LYPLAL1: variants seen among roughly 807,000 people sequenced by gnomAD.
The protein encoded by LYPLAL1 is lysophospholipase like 1, also known as lysophospholipase-like protein 1.
A neutral mutation model predicts 19.7 loss-of-function variants in LYPLAL1; 23 were observed. That is an observed-to-expected ratio of 1.17 (90% CI 0.84 to 1.65). The LOEUF (loss-of-function observed/expected upper bound fraction) is 1.65, where lower values mean the gene tolerates loss of function less well. LYPLAL1 is among the 40% of genes most tolerant of loss of function. LYPLAL1 has a pLI of 0.00. For synonymous variants in LYPLAL1, 119 were observed against 96.3 expected (o/e 1.24, Z -1.38); for missense variants, 355 against 279.4 (o/e 1.27, Z -1.93).
At chr1:219,210,722 T>A in intron 4 of LYPLAL1, 75 bp downstream of exon 4, 1 of 1,366,918 alleles carries the variant, frequency 7.3e-7, no homozygotes, top group Non-Finnish European at 9.9e-7. Context: ...AAATCGGTAA[T>A]AAAGCTGTAA....
At chr1:219,434,419 A>G in the LYPLAL1 span, among the ~76,000 whole-genome samples, 1 of 152,200 alleles carries the variant, frequency 6.6e-6, no homozygotes. Flanking sequence ...TAAGGCTTAA[A>G]TGGTAAGCAT....
At chr1:219,263,999 C>T in the LYPLAL1 span, among the ~76,000 whole-genome samples, 1 of 152,224 alleles carries the variant, frequency 6.6e-6, no homozygotes, top group Non-Finnish European at 1.5e-5. Flanking sequence ...TGAGTCTTCA[C>T]ATGCTGTCCT....
chr1:219,347,230 G>GTT, the LYPLAL1 span, among the ~76,000 whole-genome samples: 1 of 151,842 alleles, frequency 6.6e-6, no homozygotes, highest in East Asian at 1.9e-4. Context: ...CTATGCCCAG[G>GTT]GTTTTGATTA....
At chr1:219,311,137 G>GTT in the LYPLAL1 span, among the ~76,000 whole-genome samples, 12 of 142,008 alleles carry the variant, frequency 8.5e-5, no homozygotes, top group South Asian at 2.2e-4. Flanking sequence ...TAGTCTAAGA[G>GTT]TTTTTTTTTT....
At chr1:219,277,962 G>A in the LYPLAL1 span, among the ~76,000 whole-genome samples, 2 of 152,218 alleles carry the variant, frequency 1.3e-5, no homozygotes, top group African/African-American at 2.4e-5. Context: ...GAGATGTGAG[G>A]GAATACAGAA....
chr1:219,235,100 G>T, the LYPLAL1 span, among the ~76,000 whole-genome samples: 1 of 152,106 alleles, frequency 6.6e-6, no homozygotes, highest in Non-Finnish European at 1.5e-5. Flanking sequence ...CTTTGACCAA[G>T]ATATCCTGAA....
chr1:219,247,121 G>T, the LYPLAL1 span, among the ~76,000 whole-genome samples: 2 of 152,118 alleles, frequency 1.3e-5, no homozygotes, highest in Non-Finnish European at 2.9e-5. Flanking sequence ...TGGTGCAGTA[G>T]ATATTAAGCA....
At chr1:219,235,861 A>G in the LYPLAL1 span, among the ~76,000 whole-genome samples, 7 of 152,314 alleles carry the variant, frequency 4.6e-5, no homozygotes, top group East Asian at 3.9e-4. Context: ...GTGAAGTTCC[A>G]TTATCCAGGA....
At chr1:219,411,627 A>C in the LYPLAL1 span, 1 of 152,252 alleles carries the variant, frequency 6.6e-6, no homozygotes, top group East Asian at 1.9e-4. Context: ...CCCCTTCCCC[A>C]CTGTGGAAGC....
the LYPLAL1 span, among the ~76,000 whole-genome samples, chr1:219,276,185 A>G: frequency 3.3e-5 from 5 of 152,326 alleles, no homozygotes; most frequent in East Asian, 9.6e-4. Flanking sequence ...AAGAAAAAAA[A>G]ACATTAATTG....
At chr1:219,436,943 T>C in the LYPLAL1 span, 1 of 152,206 alleles carries the variant, frequency 6.6e-6, no homozygotes, top group African/African-American at 2.4e-5. Context: ...AGTTTGAGAT[T>C]GGGAACTCTG....
chr1:219,260,738 A>G, the LYPLAL1 span, among the ~76,000 whole-genome samples: 2 of 151,188 alleles, frequency 1.3e-5, no homozygotes, highest in Non-Finnish European at 3.0e-5. Flanking sequence ...ATACATATAT[A>G]AAAAAAGCCT....
intron 3 of LYPLAL1, among the ~76,000 whole-genome samples, chr1:219,196,000 G>A (rs1015885792): frequency 2.0e-5 from 3 of 152,118 alleles, no homozygotes; most frequent in African/African-American, 7.2e-5. Flanking sequence ...CCCTGCAAAA[G>A]ACATGATCTT....
the LYPLAL1 span, among the ~76,000 whole-genome samples, chr1:219,364,775 A>C: frequency 6.6e-6 from 1 of 152,180 alleles, no homozygotes; most frequent in Non-Finnish European, 1.5e-5. Flanking sequence ...GGAATTACAT[A>C]AAATATAGTG....
chr1:219,218,750 A>G, the LYPLAL1 span, among the ~76,000 whole-genome samples: 1 of 152,208 alleles, frequency 6.6e-6, no homozygotes, highest in Admixed American at 6.5e-5. Flanking sequence ...TCTTTTTCAT[A>G]TTTGTTCAAT....
At chr1:219,234,950 T>C in the LYPLAL1 span, among the ~76,000 whole-genome samples, 1 of 147,562 alleles carries the variant, frequency 6.8e-6, no homozygotes. Flanking sequence ...TCTTTATCCC[T>C]GTATTTGATG....
chr1:219,239,431 G>C, the LYPLAL1 span, among the ~76,000 whole-genome samples: 1 of 152,122 alleles, frequency 6.6e-6, no homozygotes, highest in African/African-American at 2.4e-5. Context: ...GAAGTAGAAG[G>C]GAAGACCAGA....
the LYPLAL1 span, among the ~76,000 whole-genome samples, chr1:219,366,636 G>A: frequency 1.2e-4 from 18 of 152,244 alleles, no homozygotes; most frequent in African/African-American, 3.9e-4. Context: ...CTGTGAAAAC[G>A]TACACATCAT....
At chr1:219,411,533 C>T in the LYPLAL1 span, among the ~76,000 whole-genome samples, 1 of 152,140 alleles carries the variant, frequency 6.6e-6, no homozygotes, top group Non-Finnish European at 1.5e-5. Context: ...CCACTCGGCT[C>T]TACCAATCAG....
Sources: allele counts gnomAD v4.1 joint callset (sites outside exome capture counted in the v4.1 genomes callset), GRCh38; gene constraint gnomAD v4.1.1; transcripts MANE v1.5; gene names NCBI Gene and HGNC (gene_info 2026-07-23, HGNC 2026-07-21).